EPC2: variants seen among roughly 807,000 people sequenced by gnomAD.
EPC2 encodes the protein enhancer of polycomb homolog 2.
EPC2 carries 14 observed loss-of-function variants against 92.1 expected under a neutral mutation model. The observed-to-expected ratio is 0.15, with a 90% confidence interval of 0.10 to 0.24. The LOEUF (loss-of-function observed/expected upper bound fraction) is 0.24. Ranked by LOEUF, EPC2 falls within the 10% of genes least tolerant of loss-of-function variation. EPC2 has a pLI of 1.00. For synonymous variants in EPC2, 340 were observed against 334.7 expected (o/e 1.02, Z -0.17); for missense variants, 755 against 971.5 (o/e 0.78, Z 2.96).
In EPC2 at chr2:148,770,851, G is replaced by T. The variant is rs781569445; in HGVS notation, c.1290G>T (p.Lys430Asn). ...ATTCAGAATTGGCAGATTTGGATAA[G>T]TTGAGGTATAGGCATTGCCTTACAA... is the stretch of plus-strand genomic sequence containing the variant. Reference protein sequence around the residue: ...CENSELADLDKLRYRHCLTTL... With the variant: ...CENSELADLDNLRYRHCLTTL... Residue 430 changes from lysine (K) to asparagine (N), a missense_variant, in exon 9 of 14, where the codon AAG (lysine) becomes AAT (asparagine). By Grantham distance (94) the Lys-to-Asn change is moderately conservative. Around this residue, in one of 4 missense-constraint regions of EPC2, gnomAD observed 509 missense variants for 607.7 expected, o/e 0.84. Coordinates refer to ENST00000258484, the MANE Select transcript of EPC2 (RefSeq NM_015630.4). The T allele has an allele frequency of 6.2e-7, 1 of 1,613,832 alleles. No individual in the cohort carries two copies. The highest frequency in any genetic ancestry group is 8.5e-7 in the Non-Finnish European group (1 of 1,179,838).
intron 2 of EPC2, among the ~76,000 whole-genome samples, chr2:148,713,687 C>G (rs1486210564): frequency 6.6e-6 from 1 of 152,084 alleles, no homozygotes; most frequent in Non-Finnish European, 1.5e-5. Context: ...TACCATAGTT[C>G]TACTGTACCT....
intron 2 of EPC2, among the ~76,000 whole-genome samples, chr2:148,735,982 A>G (rs2105401116): frequency 6.6e-6 from 1 of 152,170 alleles, no homozygotes; most frequent in East Asian, 1.9e-4. Flanking sequence ...TATGTACTGT[A>G]TTTCAGGATC....
chr2:148,686,179 C>G (rs1267053701), intron 1 of EPC2, among the ~76,000 whole-genome samples: 1 of 152,158 alleles, frequency 6.6e-6, no homozygotes, highest in Non-Finnish European at 1.5e-5. Context: ...TATAATGTTC[C>G]AAATCCTTTG....
At chr2:148,714,498 A>G (rs758284128) in intron 2 of EPC2, among the ~76,000 whole-genome samples, 1 of 152,222 alleles carries the variant, frequency 6.6e-6, no homozygotes, top group Non-Finnish European at 1.5e-5. Flanking sequence ...ACTGTCTTCC[A>G]CAATGGTTGA....
chr2:148,782,256 A>G (rs759054802), intron 11 of EPC2, among the ~76,000 whole-genome samples: 27 of 152,102 alleles, frequency 1.8e-4, no homozygotes, highest in African/African-American at 4.8e-4. Context: ...GAAAATTGCA[A>G]CCAGGCACGG....
At chr2:148,744,161 T>C (rs746437354) in intron 3 of EPC2, among the ~76,000 whole-genome samples, 12 of 152,154 alleles carry the variant, frequency 7.9e-5, no homozygotes, top group South Asian at 4.1e-4. Flanking sequence ...TAATTACTTA[T>C]ACATTATTTC....
intron 1 of EPC2, chr2:148,645,578 A>C (rs1380468921): frequency 1.2e-5 from 2 of 173,484 alleles, no homozygotes; most frequent in Non-Finnish European, 1.2e-5. Flanking sequence ...TCCACTTTTA[A>C]CTTTGGCTTT....
At chr2:148,674,364 A>C (rs991316185) in intron 1 of EPC2, among the ~76,000 whole-genome samples, 3 of 152,036 alleles carry the variant, frequency 2.0e-5, no homozygotes. Context: ...TCAGTGCTTC[A>C]AGTCAGGAAG....
At chr2:148,663,193 T>A (rs1248262954) in intron 1 of EPC2, among the ~76,000 whole-genome samples, 10 of 98,636 alleles carry the variant, frequency 1.0e-4, no homozygotes, top group Middle Eastern at 4.4e-3. Context: ...ACTGTGTTTT[T>A]GTATTATTAT....
At chr2:148,737,106 A>G (rs1375886049) in intron 2 of EPC2, among the ~76,000 whole-genome samples, 1 of 152,100 alleles carries the variant, frequency 6.6e-6, no homozygotes, top group Non-Finnish European at 1.5e-5. Flanking sequence ...TCAAGAAAGA[A>G]ATAAAACTAA....
intron 1 of EPC2, among the ~76,000 whole-genome samples, chr2:148,689,368 C>T (rs7564596): frequency 0.018 from 2,776 of 152,064 alleles, 63 homozygotes; most frequent in East Asian, 0.079. Context: ...TTAGTAGAGT[C>T]GGGGTTTCAC....
At chr2:148,778,517 T>C (rs989529961) in intron 10 of EPC2, among the ~76,000 whole-genome samples, 4 of 152,036 alleles carry the variant, frequency 2.6e-5, no homozygotes, top group African/African-American at 7.2e-5. Flanking sequence ...TTCAATCAAA[T>C]TTCTGCCACC....
In EPC2 at chr2:148,683,835, T is replaced by G. The variant is rs559936478; in HGVS notation, c.154-6379T>G. 1.6e-4 allele frequency among the ~76,000 whole-genome samples: 25 copies of G among 152,358 alleles called. No homozygotes were observed. The East Asian group carries it at 4.6e-3, about 28-fold the overall frequency. On this transcript the variant is annotated intron_variant, in intron 1 of 13. Coordinates refer to ENST00000258484, the MANE Select transcript of EPC2 (RefSeq NM_015630.4). ...TGCAAATTGTACTGCTGTAAATGCG[T>G]GCAAGTGTCTTTTTCATATAATGAT...
chr2:148,710,940 A>G (rs1007827604), intron 2 of EPC2, among the ~76,000 whole-genome samples: 1 of 152,016 alleles, frequency 6.6e-6, no homozygotes, highest in Non-Finnish European at 1.5e-5. Flanking sequence ...ATACACACAC[A>G]CAATCTCCCC....
chr2:148,785,659 AGTT>A (rs1185588575), intron 13 of EPC2, among the ~76,000 whole-genome samples: 1 of 152,132 alleles, frequency 6.6e-6, no homozygotes, highest in Non-Finnish European at 1.5e-5. Context: ...GGAAGATGGG[AGTT>A]GTTATGATTA....
intron 1 of EPC2, among the ~76,000 whole-genome samples, chr2:148,682,868 C>G (rs1178826177): frequency 2.0e-5 from 3 of 152,160 alleles, no homozygotes; most frequent in Non-Finnish European, 4.4e-5. Flanking sequence ...TCTGTTCTCT[C>G]TCTGCTACTC....
At chr2:148,706,873 G>A (rs958084632) in intron 2 of EPC2, among the ~76,000 whole-genome samples, 4 of 152,210 alleles carry the variant, frequency 2.6e-5, no homozygotes, top group East Asian at 3.9e-4. Context: ...AGGAACAACC[G>A]GTATCAGCCA....
At chr2:148,763,699 C>T (rs1216847361) in intron 6 of EPC2, among the ~76,000 whole-genome samples, 3 of 152,162 alleles carry the variant, frequency 2.0e-5, no homozygotes, top group African/African-American at 7.2e-5. Context: ...TAATCACAGG[C>T]GTCTAGCCCA....
At chr2:148,776,219 T>C (rs1177932053) in intron 10 of EPC2, among the ~76,000 whole-genome samples, 1 of 152,228 alleles carries the variant, frequency 6.6e-6, no homozygotes, top group Non-Finnish European at 1.5e-5. Context: ...AGGATTGATA[T>C]AATGTGATTT....
Sources: gnomAD v4.1 joint callset for allele counts (sites outside exome capture counted in the v4.1 genomes callset) on GRCh38, gnomAD v4.1.1 for gene constraint, gnomAD v4.1.1 regional missense constraint, MANE v1.5 for transcripts, NCBI Gene and HGNC (gene_info 2026-07-23, HGNC 2026-07-21) for gene names.